The following FOXP1 variants were observed in gnomAD, a reference collection of about 807,000 sequenced individuals.
FOXP1 encodes the protein forkhead box P1, also known as forkhead box protein P1.
Under a neutral mutation model 98.2 loss-of-function variants are expected in FOXP1, and 15 were observed. That is an observed-to-expected ratio of 0.15 (90% CI 0.10 to 0.24). The LOEUF (loss-of-function observed/expected upper bound fraction) is 0.24. FOXP1 is among the 10% of genes least tolerant of loss of function. The pLI is 1.00. For synonymous variants in FOXP1, 371 were observed against 314.5 expected, an observed-to-expected ratio of 1.18 and a Z score of -1.90; for missense variants, 633 against 848.5, an observed-to-expected ratio of 0.75 and a Z score of 3.15.
chr3:71,402,448 C>G (rs2082015493), intron 3 of FOXP1, among the ~76,000 whole-genome samples: 1 of 152,134 alleles, frequency 6.6e-6, no homozygotes, highest in Non-Finnish European at 1.5e-5. Context: ...AAATGAGACC[C>G]TGTCTCAATC....
chr3:71,143,293 G>A (rs2060157494), intron 6 of FOXP1, among the ~76,000 whole-genome samples: 1 of 152,216 alleles, frequency 6.6e-6, no homozygotes, highest in African/African-American at 2.4e-5. Flanking sequence ...AAGAGAAGAA[G>A]CATTTTAAGC....
At chr3:71,410,904 C>T (rs937434621) in intron 3 of FOXP1, among the ~76,000 whole-genome samples, 3 of 152,202 alleles carry the variant, frequency 2.0e-5, no homozygotes, top group African/African-American at 7.2e-5. Flanking sequence ...GCCTACTGCT[C>T]ATGTTAGAAG....
chr3:71,169,979 G>T (rs2108208949), intron 6 of FOXP1, among the ~76,000 whole-genome samples: 1 of 152,124 alleles, frequency 6.6e-6, no homozygotes. Flanking sequence ...ATTGAAAAAA[G>T]AAAAGATAAT....
Position 71,223,723 on chromosome 3 carries a change from C to A in FOXP1, c.-11-25331G>T, listed in dbSNP as rs188251285. Reference sequence around the variant, plus strand: ...AAAAAAAAAAAAAAAGAAAATATTTCATTCTAAAGTACTCGAGATGCATTT... The same window carrying A: ...AAAAAAAAAAAAAAAGAAAATATTTAATTCTAAAGTACTCGAGATGCATTT... On this transcript the variant is annotated intron_variant, in intron 5 of 20. Transcript: ENST00000649528. Among the ~76,000 whole-genome samples the A allele has an allele frequency of 8.5e-4, 128 of 150,468 alleles. 2 individuals are homozygous for A. In the East Asian group the frequency reaches 0.023, roughly 27 times the overall value.
chr3:71,488,744 C>T (rs1373813348), intron 3 of FOXP1, among the ~76,000 whole-genome samples: 3 of 152,092 alleles, frequency 2.0e-5, no homozygotes, highest in Admixed American at 1.3e-4. Context: ...TGCGGGAGCC[C>T]GAGTGATACA....
intron 3 of FOXP1, among the ~76,000 whole-genome samples, chr3:71,439,893 C>T (rs754840120): frequency 2.1e-5 from 3 of 145,678 alleles, no homozygotes; most frequent in Admixed American, 1.4e-4. Context: ...TTTCATTGAT[C>T]GGAGATTGCA....
intron 4 of FOXP1, among the ~76,000 whole-genome samples, chr3:71,357,586 G>A (rs1332809372): frequency 6.6e-6 from 1 of 152,160 alleles, no homozygotes; most frequent in Admixed American, 6.6e-5. Context: ...TCAAGTCTAA[G>A]GATGCATTTC....
chr3:71,411,129 C>T (rs10212264), intron 3 of FOXP1, among the ~76,000 whole-genome samples: 105,340 of 152,106 alleles, frequency 0.69, 37,735 homozygotes, highest in Non-Finnish European at 0.74. Context: ...GAAATATACA[C>T]GCTTATTACC....
At chr3:71,086,635 G>A (rs761604753) in intron 7 of FOXP1, among the ~76,000 whole-genome samples, 12 of 152,136 alleles carry the variant, frequency 7.9e-5, no homozygotes, top group Non-Finnish European at 1.8e-4. Context: ...GAGAGGCAGG[G>A]ACTGAAATCC....
intron 5 of FOXP1, among the ~76,000 whole-genome samples, chr3:71,297,821 G>GGTTA (rs2073468852): frequency 2.2e-5 from 1 of 45,088 alleles, no homozygotes; most frequent in Non-Finnish European, 5.9e-5. Flanking sequence ...TCACCAGGTT[G>GGTTA]GTCTCGAACT....
chr3:71,434,631 G>GTGT (rs376887775), intron 3 of FOXP1, among the ~76,000 whole-genome samples: 2 of 142,266 alleles, frequency 1.4e-5, no homozygotes, highest in Non-Finnish European at 3.1e-5. Context: ...GAGGGGATGG[G>GTGT]GTGTGTGTGT....
At chr3:71,355,254 G>A (rs17717717) in intron 4 of FOXP1, among the ~76,000 whole-genome samples, 57,443 of 152,042 alleles carry the variant, frequency 0.38, 12,865 homozygotes, top group East Asian at 0.73. Flanking sequence ...AATACCGACT[G>A]CATGCATACC....
intron 6 of FOXP1, among the ~76,000 whole-genome samples, chr3:71,146,486 CA>C (rs2060312516): frequency 6.6e-6 from 1 of 151,724 alleles, no homozygotes; most frequent in South Asian, 2.1e-4. Flanking sequence ...GGGAAGAATA[CA>C]TTATACAATG....
intron 3 of FOXP1, among the ~76,000 whole-genome samples, chr3:71,468,488 T>C (rs1299134825): frequency 1.3e-5 from 2 of 152,152 alleles, no homozygotes; most frequent in African/African-American, 4.8e-5. Flanking sequence ...TAATGTTAGG[T>C]CTCTGGAGAA....
chr3:71,352,512 G>C (rs1455644520), intron 4 of FOXP1, among the ~76,000 whole-genome samples: 1 of 151,328 alleles, frequency 6.6e-6, no homozygotes, highest in Non-Finnish European at 1.5e-5. Flanking sequence ...GCTACGAGGG[G>C]AAGGAATTTC....
In FOXP1 at chr3:71,263,899, G is replaced by T. The variant is rs994493884; in HGVS notation, c.-12+35921C>A. Among the ~76,000 whole-genome samples the T allele has an allele frequency of 2.6e-5, 4 of 151,534 alleles. No homozygotes were observed. In the East Asian group the frequency reaches 7.8e-4, roughly 29 times the overall value. Reference sequence around the variant, plus strand: ...AGCTGAGACTACAGGCACATGCCACGACTCCCAGCTAATTTTTTTTTTTTT... The same window carrying T: ...AGCTGAGACTACAGGCACATGCCACTACTCCCAGCTAATTTTTTTTTTTTT... On this transcript the variant is annotated intron_variant, in intron 5 of 20. Coordinates refer to ENST00000649528, the MANE Select transcript of FOXP1 (RefSeq NM_001349338.3).
At chr3:71,548,327 GGTTA>G (rs2045522417) in intron 2 of FOXP1, among the ~76,000 whole-genome samples, 1 of 152,078 alleles carries the variant, frequency 6.6e-6, no homozygotes. Flanking sequence ...TTTATATGTT[GGTTA>G]TTTTTCTCCC....
At chr3:71,570,279 T>C (rs1183613212) in intron 2 of FOXP1, 1 of 152,082 alleles carries the variant, frequency 6.6e-6, no homozygotes, top group Non-Finnish European at 1.5e-5. Context: ...TTTTCTTTTT[T>C]TTTTTTTAAA....
At position 71,346,379 on chromosome 3, in the gene FOXP1, T is replaced by C. The variant is rs531299813; in HGVS notation, c.-73+12771A>G. Among the ~76,000 whole-genome samples the C allele has an allele frequency of 2.0e-5, 3 of 152,294 alleles. No individual in the cohort carries two copies. In the East Asian group the frequency reaches 5.8e-4, roughly 29 times the overall value. ...AGCAAACGTGGCTGTTTTTGTTGGGTGGAAGAGGCATTTTTTTCACTGAGC... is the reference window on the plus strand; with the variant it reads ...AGCAAACGTGGCTGTTTTTGTTGGGCGGAAGAGGCATTTTTTTCACTGAGC... On this transcript the variant is annotated intron_variant, in intron 4 of 20. Transcript: ENST00000649528.
Sources: allele counts gnomAD v4.1 joint callset (sites outside exome capture counted in the v4.1 genomes callset), GRCh38; gene constraint gnomAD v4.1.1; transcripts MANE v1.5; gene names NCBI Gene and HGNC (gene_info 2026-07-23, HGNC 2026-07-21).